Variants in RCOR1 observed in about 807,000 individuals in gnomAD.
The protein encoded by RCOR1 is REST corepressor 1.
RCOR1 carries 12 observed loss-of-function variants against 64.0 expected under a neutral mutation model. That is an observed-to-expected ratio of 0.19 (90% CI 0.12 to 0.30). RCOR1 has a LOEUF of 0.30. Ranked by LOEUF, RCOR1 falls within the 10% of genes least tolerant of loss-of-function variation. The pLI is 1.00. For synonymous variants in RCOR1, 279 were observed against 227.2 expected (o/e 1.23, Z -2.05); for missense variants, 502 against 621.2 (o/e 0.81, Z 2.04).
At chr14:102,723,263 T>C (rs1320174588) in intron 11 of RCOR1, among the ~76,000 whole-genome samples, 1 of 152,240 alleles carries the variant, frequency 6.6e-6, no homozygotes. Context: ...ACCTATTTTG[T>C]ATTGCGTGTG....
In RCOR1 at chr14:102,592,925, G is replaced by A. The variant is rs1256757309; in HGVS notation, c.39G>A (p.Gly13=). 3.6e-5 allele frequency: 45 copies of A among 1,240,182 alleles called. No homozygotes were observed. In the East Asian group the frequency reaches 6.3e-4, roughly 17 times the overall value. The allele number at this position is 1,240,182 out of a possible 1,614,324, so 76.8% of individuals were successfully genotyped here. The change falls in exon 1 of 12, where the codon GGG becomes GGA. Residue 13 remains glycine, a synonymous_variant. Coordinates refer to ENST00000262241, the MANE Select transcript of RCOR1 (RefSeq NM_015156.4). Reference sequence around the variant, plus strand: ...TGGAGAAGGGCCCCGAGGTCTCAGGGAAGCGGAGAGGGAGGAACAACGCGG... The same window carrying A: ...TGGAGAAGGGCCCCGAGGTCTCAGGAAAGCGGAGAGGGAGGAACAACGCGG... ...AMVEKGPEVS[G]KRRGRNNAAA...
chr14:102,717,522 C>G (rs1430024907), intron 8 of RCOR1, among the ~76,000 whole-genome samples: 1 of 152,166 alleles, frequency 6.6e-6, no homozygotes, highest in Non-Finnish European at 1.5e-5. Context: ...GAGATTAATC[C>G]TGGCCTGCCT....
At chr14:102,702,002 A>G (rs1567440865) in intron 4 of RCOR1, among the ~76,000 whole-genome samples, 1 of 152,218 alleles carries the variant, frequency 6.6e-6, no homozygotes, top group East Asian at 1.9e-4. Flanking sequence ...GAATGTACTA[A>G]TAAGAAATCC....
intron 11 of RCOR1, among the ~76,000 whole-genome samples, chr14:102,722,787 A>G (rs1896190428): frequency 1.3e-5 from 2 of 152,254 alleles, no homozygotes; most frequent in Admixed American, 1.3e-4. Context: ...ATGTCGATGA[A>G]GCTCCGTCAT....
At chr14:102,669,748 A>G (rs954440235) in intron 2 of RCOR1, among the ~76,000 whole-genome samples, 1 of 152,218 alleles carries the variant, frequency 6.6e-6, no homozygotes, top group Non-Finnish European at 1.5e-5. Flanking sequence ...GTAAGCATTT[A>G]TAACTGTTAC....
chr14:102,637,637 C>G (rs1019827729), intron 2 of RCOR1, among the ~76,000 whole-genome samples: 1 of 151,782 alleles, frequency 6.6e-6, no homozygotes, highest in Non-Finnish European at 1.5e-5. Context: ...TTTGTAGAGT[C>G]GAGATTTTTG....
chr14:102,599,495 C>T (rs760702708), intron 2 of RCOR1, among the ~76,000 whole-genome samples: 15 of 152,028 alleles, frequency 9.9e-5, no homozygotes, highest in Non-Finnish European at 2.9e-5. Flanking sequence ...GCTTCAGAGG[C>T]GTACATTGTT....
chr14:102,705,952 C>CA lies in RCOR1; in HGVS notation c.499-1389dup, dbSNP rs1036991923. On this transcript the variant is annotated intron_variant, in intron 4 of 11. Coordinates refer to ENST00000262241, the MANE Select transcript of RCOR1 (RefSeq NM_015156.4). The stretch of plus-strand genomic sequence containing the variant: ...GCAACATGGCAAAACCCTGTCTCTA[C>CA]AAAAAAAAAACTAGCTGCGCATGGT... 8.0e-3 allele frequency among the ~76,000 whole-genome samples: 1,149 copies of CA among 143,378 alleles called. 9 individuals are homozygous for CA. Among genetic ancestry groups the CA allele is most frequent in the African/African-American group, 0.025 (987 of 39,172 alleles). 94.1% of individuals were successfully genotyped at this position (143,378 alleles called of 152,430 possible).
At position 102,729,210 on chromosome 14, in the gene RCOR1, A is replaced by G. The variant is rs1024691815; in HGVS notation, c.*2704A>G. The G allele has an allele frequency of 3.9e-5, 6 of 152,818 alleles. No individual in the cohort carries two copies. Among genetic ancestry groups the G allele is most frequent in the Admixed American group, 2.6e-4 (4 of 15,304 alleles). 9.5% of individuals were successfully genotyped at this position (152,818 alleles called of 1,614,324 possible). On this transcript the variant is annotated 3_prime_UTR_variant, in exon 12 of 12. Transcript: ENST00000262241. ...ACTTTTAGTTTAGAACTCCTAAAAG[A>G]TATAAATTGTATTGCATATGCATTA... is the stretch of plus-strand genomic sequence containing the variant.
At chr14:102,675,029 C>T (rs1457292164) in intron 2 of RCOR1, among the ~76,000 whole-genome samples, 2 of 112,974 alleles carry the variant, frequency 1.8e-5, no homozygotes, top group African/African-American at 3.6e-5. Flanking sequence ...GCCTGGGCGA[C>T]AGAGCAAGAC....
chr14:102,616,822 G>A (rs535827196), intron 2 of RCOR1, among the ~76,000 whole-genome samples: 5 of 152,248 alleles, frequency 3.3e-5, no homozygotes, highest in South Asian at 4.1e-4. Context: ...GCCTCATTAC[G>A]TAGGGATGAC....
chr14:102,619,473 CTTTT>C (rs35488660), intron 2 of RCOR1, among the ~76,000 whole-genome samples: 7 of 131,182 alleles, frequency 5.3e-5, no homozygotes, highest in African/African-American at 1.5e-4. Flanking sequence ...TCTATCTAAT[CTTTT>C]TTTTTTTTTT....
intron 8 of RCOR1, among the ~76,000 whole-genome samples, chr14:102,715,132 G>A (rs1287210976): frequency 6.6e-6 from 1 of 151,204 alleles, no homozygotes; most frequent in Non-Finnish European, 1.5e-5. Context: ...GCAGTGGCGC[G>A]ATCCCGGCTC....
chr14:102,691,458 A>AG (rs1029555095), intron 3 of RCOR1, among the ~76,000 whole-genome samples: 1 of 152,140 alleles, frequency 6.6e-6, no homozygotes, highest in South Asian at 2.1e-4. Context: ...TAAAAAGTTG[A>AG]GGGAAAAAAA....
chr14:102,662,471 G>A lies in RCOR1; in HGVS notation c.362-19424G>A, dbSNP rs1168316964. 5.8e-5 allele frequency: 31 copies of A among 536,816 alleles called. No individual in the cohort carries two copies. The East Asian group carries it at 1.3e-3, about 23-fold the overall frequency. 33.3% of individuals were successfully genotyped at this position (536,816 alleles called of 1,614,324 possible). On this transcript the variant is annotated intron_variant, in intron 2 of 11. Transcript: ENST00000262241. Reference sequence around the variant, plus strand: ...CTTCATGGCAGACTCAGTGGTCAGCGGCAACTTGATGATAATATGGTGGTC... The same window carrying A: ...CTTCATGGCAGACTCAGTGGTCAGCAGCAACTTGATGATAATATGGTGGTC...
intron 2 of RCOR1, among the ~76,000 whole-genome samples, chr14:102,615,032 C>G (rs919930743): frequency 6.6e-6 from 1 of 151,978 alleles, no homozygotes; most frequent in Non-Finnish European, 1.5e-5. Context: ...GGGGTTTCAC[C>G]ATGTTGGCCA....
chr14:102,711,613 G>C (rs1167318737), intron 7 of RCOR1, among the ~76,000 whole-genome samples: 2 of 152,152 alleles, frequency 1.3e-5, no homozygotes, highest in Non-Finnish European at 2.9e-5. Context: ...TTTTACATAG[G>C]TTCATAGAGG....
intron 2 of RCOR1, among the ~76,000 whole-genome samples, chr14:102,677,411 G>A (rs1221075025): frequency 1.4e-5 from 2 of 143,972 alleles, no homozygotes; most frequent in Non-Finnish European, 3.0e-5. Context: ...AGACGGGGTG[G>A]CTGCCGGACG....
At chr14:102,673,551 G>T (rs1257734989) in intron 2 of RCOR1, among the ~76,000 whole-genome samples, 1 of 151,902 alleles carries the variant, frequency 6.6e-6, no homozygotes, top group African/African-American at 2.4e-5. Context: ...TAGCCAGGAT[G>T]GTCTCGATCT....
Sources: allele counts gnomAD v4.1 joint callset (sites outside exome capture counted in the v4.1 genomes callset), GRCh38; gene constraint gnomAD v4.1.1; transcripts MANE v1.5; gene names NCBI Gene and HGNC (gene_info 2026-07-23, HGNC 2026-07-21).